The following COX7B2 variants were observed in gnomAD, a reference collection of about 807,000 sequenced individuals.
COX7B2 encodes cytochrome c oxidase subunit 7B2, also known as cytochrome c oxidase subunit 7B2, mitochondrial.
For synonymous variants in COX7B2, 37 were observed against 32.1 expected (o/e 1.15, Z -0.51); for missense variants, 109 against 95.9 (o/e 1.14, Z -0.57).
In COX7B2 at chr4:46,795,838, A is replaced by C. The variant is rs371211969; in HGVS notation, c.-50+49122T>G. ...TGATTCTTCCTACCCATGAGCATGG[A>C]ATGTTCTTCCATTTATTTGTCTCCT... On this transcript the variant is annotated intron_variant, in intron 2 of 2. Transcript: ENST00000355591. 5.6e-3 allele frequency among the ~76,000 whole-genome samples: 99 copies of C among 17,732 alleles called. 4 individuals are homozygous for C. The highest frequency in any genetic ancestry group is 0.045 in the Admixed American group (75 of 1,658). The allele number at this position is 17,732 out of a possible 152,430, so 11.6% of individuals were successfully genotyped here. A position where few individuals can be genotyped will look rare whatever the true frequency, so the allele number is the denominator to read the frequency against.
intron 1 of COX7B2, among the ~76,000 whole-genome samples, chr4:46,877,823 G>A (rs948246892): frequency 2.9e-4 from 44 of 152,046 alleles, no homozygotes; most frequent in African/African-American, 1.1e-3. Flanking sequence ...CTGTTTGAAG[G>A]TTCCTAAAAA....
chr4:46,785,338 A>C (rs138206766), intron 2 of COX7B2, among the ~76,000 whole-genome samples: 154 of 152,274 alleles, frequency 1.0e-3, no homozygotes, highest in African/African-American at 3.4e-3. Context: ...TGTTGAAAAA[A>C]TGGATGTGAA....
At chr4:46,892,985 G>A (rs1380974691) in intron 1 of COX7B2, among the ~76,000 whole-genome samples, 2 of 152,144 alleles carry the variant, frequency 1.3e-5, no homozygotes, top group African/African-American at 4.8e-5. Context: ...CTGCTGCCCT[G>A]TGAAGAGGTG....
intron 2 of COX7B2, among the ~76,000 whole-genome samples, chr4:46,809,736 T>G (rs1000403708): frequency 6.6e-6 from 1 of 151,936 alleles, no homozygotes; most frequent in Non-Finnish European, 1.5e-5. Flanking sequence ...TGCTGCTGGA[T>G]GGAAAGTTCT....
chr4:46,738,616 C>A (rs1423077524), intron 2 of COX7B2, among the ~76,000 whole-genome samples: 1 of 152,018 alleles, frequency 6.6e-6, no homozygotes, highest in Non-Finnish European at 1.5e-5. Context: ...ATATTACATA[C>A]CTCTACAATA....
chr4:46,840,674 A>C (rs1715871907), intron 2 of COX7B2, among the ~76,000 whole-genome samples: 1 of 152,010 alleles, frequency 6.6e-6, no homozygotes. Flanking sequence ...CATGAGCTTC[A>C]TAAATAATGC....
At chr4:46,823,132 C>T (rs1395561543) in intron 2 of COX7B2, among the ~76,000 whole-genome samples, 1 of 152,058 alleles carries the variant, frequency 6.6e-6, no homozygotes, top group African/African-American at 2.4e-5. Context: ...CACAAGATAA[C>T]TAGGAAAATC....
chr4:46,744,855 G>A (rs1042763535), intron 2 of COX7B2, among the ~76,000 whole-genome samples: 9 of 146,036 alleles, frequency 6.2e-5, no homozygotes, highest in Middle Eastern at 3.5e-3. Flanking sequence ...CAATTCTCCC[G>A]CCTCAGCTGG....
intron 2 of COX7B2, among the ~76,000 whole-genome samples, chr4:46,836,414 T>C (rs1463498647): frequency 6.6e-6 from 1 of 152,036 alleles, no homozygotes; most frequent in East Asian, 1.9e-4. Context: ...CACATTGGCC[T>C]AGACCTAGAA....
intron 2 of COX7B2, among the ~76,000 whole-genome samples, chr4:46,820,082 G>A (rs1480894524): frequency 2.0e-5 from 3 of 152,228 alleles, no homozygotes; most frequent in East Asian, 3.9e-4. Context: ...ATTCAAGCAC[G>A]TTACATTTAT....
At chr4:46,810,810 C>G (rs949577793) in intron 2 of COX7B2, among the ~76,000 whole-genome samples, 5 of 152,102 alleles carry the variant, frequency 3.3e-5, no homozygotes, top group African/African-American at 1.2e-4. Flanking sequence ...CTTCCTTAAG[C>G]ATTTCTAGTA....
chr4:46,823,817 G>A (rs1165079257), intron 2 of COX7B2, among the ~76,000 whole-genome samples: 1 of 150,110 alleles, frequency 6.7e-6, no homozygotes, highest in African/African-American at 2.5e-5. Flanking sequence ...AGCAAACAAA[G>A]TTAAATTCAA....
rs200373474 is a variant in COX7B2 at position 46,879,723 on chromosome 4, CA to C, written c.-105+29436del. On this transcript the variant is annotated intron_variant, in intron 1 of 2. Coordinates refer to ENST00000355591, the MANE Select transcript of COX7B2 (RefSeq NM_130902.3). ...GATTTATCAAAGAAAACGAAGACCT[CA>C]AAAAAAAAAAAGCCAATTGAGACAT... is the stretch of plus-strand genomic sequence containing the variant. Among the ~76,000 whole-genome samples the C allele has an allele frequency of 1.8e-3, 245 of 138,862 alleles. 1 individual carries two copies. Among genetic ancestry groups the C allele is most frequent in the African/African-American group, 2.4e-3 (90 of 37,444 alleles). The allele number at this position is 138,862 out of a possible 152,430, so 91.1% of individuals were successfully genotyped here.
intron 2 of COX7B2, among the ~76,000 whole-genome samples, chr4:46,820,913 C>T (rs924677911): frequency 3.3e-5 from 5 of 151,478 alleles, no homozygotes; most frequent in African/African-American, 1.2e-4. Context: ...TCCAATCTCA[C>T]GTAAGAGTTG....
chr4:46,782,046 C>T (rs1717490097), intron 2 of COX7B2, among the ~76,000 whole-genome samples: 1 of 152,182 alleles, frequency 6.6e-6, no homozygotes, highest in Non-Finnish European at 1.5e-5. Context: ...GGAGTACGGG[C>T]ACGTGGCGCG....
intron 1 of COX7B2, among the ~76,000 whole-genome samples, chr4:46,850,077 T>C (rs1473454416): frequency 6.6e-6 from 1 of 150,546 alleles, no homozygotes; most frequent in Non-Finnish European, 1.5e-5. Context: ...ATGATTATAC[T>C]AAAGCATGTG....
intron 2 of COX7B2, among the ~76,000 whole-genome samples, chr4:46,812,032 T>C (rs959580406): frequency 3.9e-5 from 6 of 152,170 alleles, no homozygotes; most frequent in African/African-American, 9.7e-5. Flanking sequence ...GCTGGGGATT[T>C]TTCTTGAAAT....
rs762727532 is a variant in COX7B2, at chr4:46,735,231, T to C, written c.-39A>G. Reference sequence around the variant, plus strand: ...TGCCTTCAGCTACTGGTCTATTTTGTTGCAAAGAGGCTGGAAAGAGAGAAA... The same window carrying C: ...TGCCTTCAGCTACTGGTCTATTTTGCTGCAAAGAGGCTGGAAAGAGAGAAA... On this transcript the variant is annotated 5_prime_UTR_variant, in exon 3 of 3. Coordinates refer to ENST00000355591, the MANE Select transcript of COX7B2 (RefSeq NM_130902.3). The C allele has an allele frequency of 3.7e-6, 6 of 1,608,200 alleles. No homozygotes were observed. The highest frequency in any genetic ancestry group is 5.1e-6 in the Non-Finnish European group (6 of 1,178,428).
At chr4:46,783,902 G>T (rs1408397869) in intron 2 of COX7B2, among the ~76,000 whole-genome samples, 1 of 152,210 alleles carries the variant, frequency 6.6e-6, no homozygotes, top group Admixed American at 6.5e-5. Context: ...GAATTTGGCA[G>T]TTTTACTTCT....
Sources: gnomAD v4.1 joint callset for allele counts (sites outside exome capture counted in the v4.1 genomes callset) on GRCh38, gnomAD v4.1.1 for gene constraint, MANE v1.5 for transcripts, NCBI Gene and HGNC (gene_info 2026-07-23, HGNC 2026-07-21) for gene names.